Variants in DPP6 observed in about 807,000 individuals in gnomAD.
The protein encoded by DPP6 is A-type potassium channel modulatory protein DPP6.
DPP6 carries 69 observed loss-of-function variants against 122.6 expected under a neutral mutation model. That is an observed-to-expected ratio of 0.56 (90% confidence interval 0.46 to 0.69). The LOEUF is 0.69. Among genes scored for constraint, DPP6 ranks in the 30% least tolerant of loss-of-function variants. The pLI, the probability that DPP6 is intolerant of heterozygous loss-of-function variation, is 0.00. For synonymous variants in DPP6, 418 were observed against 433.1 expected (o/e 0.97, Z 0.43); for missense variants, 928 against 1,116.9 (o/e 0.83, Z 2.41).
chr7:153,846,096 C>A, the DPP6 span, among the ~76,000 whole-genome samples: 17 of 152,242 alleles, frequency 1.1e-4, 1 homozygote, highest in Admixed American at 9.8e-4. Flanking sequence ...GTACTTTTCC[C>A]CACTAGCACA....
At chr7:154,771,532 C>A (rs1460430467) in intron 9 of DPP6, among the ~76,000 whole-genome samples, 2 of 152,224 alleles carry the variant, frequency 1.3e-5, no homozygotes, top group Admixed American at 1.3e-4. Flanking sequence ...GTCTTACTTC[C>A]AAATAGCATC....
At chr7:154,850,339 C>A (rs1802270010) in intron 16 of DPP6, among the ~76,000 whole-genome samples, 1 of 151,668 alleles carries the variant, frequency 6.6e-6, no homozygotes, top group African/African-American at 2.4e-5. Context: ...TATGATTTGC[C>A]AGTATTTTGT....
intron 1 of DPP6, among the ~76,000 whole-genome samples, chr7:153,996,102 T>C (rs1288333413): frequency 1.3e-5 from 2 of 152,138 alleles, no homozygotes; most frequent in African/African-American, 4.8e-5. Flanking sequence ...AGTTAACAGA[T>C]GGCACTGACT....
chr7:154,856,282 A>T (rs759093220), intron 17 of DPP6, among the ~76,000 whole-genome samples: 1 of 152,168 alleles, frequency 6.6e-6, no homozygotes, highest in African/African-American at 2.4e-5. Context: ...TATAGTCCCT[A>T]CTTTTGGGAA....
intron 4 of DPP6, among the ~76,000 whole-genome samples, chr7:154,559,691 C>A (rs1563854122): frequency 6.6e-6 from 1 of 151,924 alleles, no homozygotes; most frequent in Admixed American, 6.6e-5. Flanking sequence ...GGAATGAGAT[C>A]ATTTAAAGTG....
chr7:154,208,107 A>G (rs193208806), intron 1 of DPP6, among the ~76,000 whole-genome samples: 11 of 152,362 alleles, frequency 7.2e-5, no homozygotes, highest in African/African-American at 2.6e-4. Flanking sequence ...AAGAAAGAAA[A>G]ATAAACAACC....
At position 154,252,856 on chromosome 7, in the gene DPP6, A is replaced by G. The variant is rs192087036; in HGVS notation, c.244-193358A>G. Among the ~76,000 whole-genome samples the G allele has an allele frequency of 2.2e-4, 33 of 152,344 alleles. 1 individual carries two copies. The East Asian group carries it at 6.4e-3, about 29-fold the overall frequency. ...TCCATCTGTCCCTAGACATAACTAT[A>G]AAAACCTTAACTCATGGGAAGAGTC... is the stretch of plus-strand genomic sequence containing the variant. On this transcript the variant is annotated intron_variant, in intron 1 of 25. Transcript: ENST00000377770.
the DPP6 span, among the ~76,000 whole-genome samples, chr7:153,825,760 C>T: frequency 6.6e-6 from 1 of 152,046 alleles, no homozygotes; most frequent in Non-Finnish European, 1.5e-5. Context: ...GAGGTTTTGC[C>T]ATGTTGTCCA....
At chr7:153,775,684 G>T in the DPP6 span, among the ~76,000 whole-genome samples, 1 of 152,026 alleles carries the variant, frequency 6.6e-6, no homozygotes, top group Non-Finnish European at 1.5e-5. Flanking sequence ...GGCAAAACCC[G>T]AGAAATCCAC....
chr7:154,549,162 G>A (rs375676671), intron 4 of DPP6, among the ~76,000 whole-genome samples: 2 of 152,172 alleles, frequency 1.3e-5, no homozygotes, highest in African/African-American at 4.8e-5. Context: ...TGTAATAAAG[G>A]TTTATTGGAA....
chr7:154,401,968 A>T (rs2151187770), intron 1 of DPP6, among the ~76,000 whole-genome samples: 1 of 152,360 alleles, frequency 6.6e-6, no homozygotes, highest in South Asian at 2.1e-4. Flanking sequence ...AGAAGAAGAC[A>T]TTTATGCAGC....
intron 19 of DPP6, among the ~76,000 whole-genome samples, chr7:154,874,718 C>G (rs971173391): frequency 6.6e-6 from 1 of 152,206 alleles, no homozygotes; most frequent in African/African-American, 2.4e-5. Flanking sequence ...GAGCCACTCT[C>G]AGTTGGGGCA....
At chr7:154,415,892 C>T (rs1292613913) in intron 1 of DPP6, among the ~76,000 whole-genome samples, 2 of 151,616 alleles carry the variant, frequency 1.3e-5, no homozygotes, top group African/African-American at 2.4e-5. Flanking sequence ...TGGACTTGAA[C>T]TTGAACCTGC....
intron 1 of DPP6, among the ~76,000 whole-genome samples, chr7:153,976,499 C>T (rs1796310670): frequency 6.6e-6 from 1 of 152,166 alleles, no homozygotes; most frequent in African/African-American, 2.4e-5. Flanking sequence ...AGATATTTCG[C>T]TAAAACTGCA....
At chr7:154,050,995 C>T (rs1307626073), upstream of DPP6, among the ~76,000 whole-genome samples, 1 of 144,366 alleles carries the variant, frequency 6.9e-6, no homozygotes, top group Non-Finnish European at 1.5e-5. Context: ...AGTATTCTCC[C>T]CCGCAGTTAG....
chr7:154,061,731 C>T (rs576709106), intron 1 of DPP6, among the ~76,000 whole-genome samples: 18,536 of 86,022 alleles, frequency 0.22, 883 homozygotes, highest in South Asian at 0.35. Flanking sequence ...GCGGGGACTG[C>T]GAACCTCCCC....
chr7:153,818,067 G>A, the DPP6 span, among the ~76,000 whole-genome samples: 1 of 151,712 alleles, frequency 6.6e-6, no homozygotes, highest in African/African-American at 2.4e-5. Context: ...AATCAGTGAG[G>A]AAAAGATGAA....
At chr7:154,315,766 G>A (rs1445625183) in intron 1 of DPP6, among the ~76,000 whole-genome samples, 1 of 152,112 alleles carries the variant, frequency 6.6e-6, no homozygotes, top group Non-Finnish European at 1.5e-5. Flanking sequence ...AAGGAATATG[G>A]TTCTGTCCTC....
At chr7:153,947,058 G>A (rs1439302952) in intron 1 of DPP6, among the ~76,000 whole-genome samples, 6 of 152,140 alleles carry the variant, frequency 3.9e-5, no homozygotes, top group Admixed American at 2.0e-4. Context: ...AGGGTGTGCC[G>A]TGATTCCCTT....
Sources: gnomAD v4.1 joint callset for allele counts (sites outside exome capture counted in the v4.1 genomes callset) on GRCh38, gnomAD v4.1.1 for gene constraint, MANE v1.5 for transcripts, NCBI Gene and HGNC (gene_info 2026-07-23, HGNC 2026-07-21) for gene names.